Variants in ZNF454 observed in about 807,000 individuals in gnomAD.
ZNF454 encodes the protein zinc finger protein 454.
Under a neutral mutation model 48.2 loss-of-function variants are expected in ZNF454, and 30 were observed. The observed-to-expected ratio is 0.62, with a 90% CI of 0.47 to 0.84. The LOEUF is 0.84. Among genes scored for constraint, ZNF454 ranks in the 40% least tolerant of loss-of-function variants. The pLI is 0.00. For synonymous variants in ZNF454, 204 were observed against 211.4 expected (o/e 0.97, Z 0.30); for missense variants, 510 against 623.1 (o/e 0.82, Z 1.93).
the ZNF454 span, among the ~76,000 whole-genome samples, chr5:178,972,274 A>G: frequency 2.6e-5 from 4 of 152,184 alleles, no homozygotes; most frequent in African/African-American, 7.2e-5. Context: ...TATACACAAT[A>G]TATTTCACAA....
At chr5:178,963,554 G>A (rs892785109) in intron 4 of ZNF454, among the ~76,000 whole-genome samples, 1 of 151,664 alleles carries the variant, frequency 6.6e-6, no homozygotes, top group Non-Finnish European at 1.5e-5. Context: ...GGGATTTCTC[G>A]TGAATTCTGC....
At chr5:178,950,998 T>G (rs1759535173) in intron 4 of ZNF454, among the ~76,000 whole-genome samples, 1 of 152,016 alleles carries the variant, frequency 6.6e-6, no homozygotes, top group Non-Finnish European at 1.5e-5. Context: ...GAGCTGGGAC[T>G]ACCGGTGCCT....
At chr5:178,985,629 G>C in the ZNF454 span, 30 of 372,284 alleles carry the variant, frequency 8.1e-5, no homozygotes, top group Middle Eastern at 4.5e-4. Flanking sequence ...CGTGAACCCG[G>C]AAGGCAGAGC....
At chr5:178,970,515 T>C (rs1016147110), downstream of ZNF454, among the ~76,000 whole-genome samples, 1 of 152,208 alleles carries the variant, frequency 6.6e-6, no homozygotes, top group Non-Finnish European at 1.5e-5. Flanking sequence ...GTGTTCCGTC[T>C]GCCACCCTGT....
At chr5:178,986,788 C>T in the ZNF454 span, 4 of 1,611,792 alleles carry the variant, frequency 2.5e-6, no homozygotes, top group Non-Finnish European at 3.4e-6. Context: ...GGGCGTCTGC[C>T]TCCGGGATCC....
chr5:178,971,474 GGC>G, the ZNF454 span, among the ~76,000 whole-genome samples: 2 of 152,088 alleles, frequency 1.3e-5, no homozygotes, highest in Admixed American at 6.6e-5. Context: ...GGGGTGTGTG[GGC>G]CTGAGAGAGG....
At position 178,944,869 on chromosome 5, in the gene ZNF454, A is replaced by G. The variant is rs977365713; in HGVS notation, c.34-1490A>G. Among the ~76,000 whole-genome samples, 2 of 152,234 alleles carry G rather than the reference A, an allele frequency of 1.3e-5. No individual in the cohort carries two copies. Among genetic ancestry groups the G allele is most frequent in the Admixed American group, 1.3e-4 (2 of 15,286 alleles). ...TTACATGCTAGGTTAGGTTTCGGCT[A>G]CACCTGTGTGTCAGGACAGAGAGAC... On this transcript the variant is annotated intron_variant, in intron 2 of 4. Transcript: ENST00000519564. This position sits in a 1 kb window ranked among gnomAD's most constrained non-coding sequence, Gnocchi z 4.1.
rs546000282 is a variant in ZNF454 at position 178,946,943 on chromosome 5, G to A, written c.207G>A (p.Arg69=). The change falls in exon 4 of 5, where the codon AGG becomes AGA. Residue 69 remains arginine (R), a synonymous_variant. Transcript: ENST00000519564. The surrounding 1 kb of genome is among the most constrained non-coding windows in gnomAD (Gnocchi z 4.5). ...ATACGTTTTCCCAGCTAGAAAAAAG[G>A]GAAGTGTGGATGCCAGAGGACACCC... ...KPDTFSQLEK[R]EVWMPEDTPG... is the part of the protein sequence containing the mutation. 1 of 1,614,100 alleles carries A rather than the reference G, an allele frequency of 6.2e-7. No homozygotes were observed. The highest frequency in any genetic ancestry group is 1.7e-5 in the Admixed American group (1 of 60,006).
the ZNF454 span, chr5:178,987,363 C>G: frequency 1.5e-5 from 7 of 471,508 alleles, no homozygotes; most frequent in Admixed American, 9.3e-5. Flanking sequence ...TGTACAGCCA[C>G]GTTCACAGCA....
chr5:178,961,657 A>T (rs1163561396), intron 4 of ZNF454, among the ~76,000 whole-genome samples: 1 of 150,276 alleles, frequency 6.7e-6, no homozygotes, highest in Non-Finnish European at 1.5e-5. Flanking sequence ...CTCTAGTAAA[A>T]CACAAAAAAA....
chr5:178,975,442 T>A, the ZNF454 span, among the ~76,000 whole-genome samples: 1 of 152,188 alleles, frequency 6.6e-6, no homozygotes, highest in Non-Finnish European at 1.5e-5. Flanking sequence ...GGTGCATGAT[T>A]AAGATGTGTT....
chr5:178,987,047 GCC>G, the ZNF454 span: 2 of 1,538,598 alleles, frequency 1.3e-6, no homozygotes, highest in Non-Finnish European at 1.8e-6. Context: ...TCCTGGGGAG[GCC>G]CCAGGGACCA....
chr5:178,943,921 G>A (rs1759214312), intron 2 of ZNF454, among the ~76,000 whole-genome samples: 1 of 152,152 alleles, frequency 6.6e-6, no homozygotes, highest in African/African-American at 2.4e-5. Context: ...CAGCTACTCG[G>A]GAGGCTGAGG....
the ZNF454 span, among the ~76,000 whole-genome samples, chr5:178,988,213 G>A: frequency 6.6e-6 from 1 of 152,196 alleles, no homozygotes; most frequent in South Asian, 2.1e-4. This position sits in a 1 kb window ranked among gnomAD's most constrained non-coding sequence, Gnocchi z 6.0. Flanking sequence ...CTGAGTGACA[G>A]TATGAAATTG....
At chr5:178,947,978 A>C (rs1759404173) in intron 4 of ZNF454, 1 of 152,074 alleles carries the variant, frequency 6.6e-6, no homozygotes. Flanking sequence ...GCAGTGGCGC[A>C]ATCTCAGCTC....
intron 4 of ZNF454, among the ~76,000 whole-genome samples, chr5:178,962,974 T>G (rs2113273253): frequency 6.6e-6 from 1 of 151,908 alleles, no homozygotes; most frequent in Non-Finnish European, 1.5e-5. Flanking sequence ...GGCTGAGAGC[T>G]TCACATGTTA....
At chr5:178,969,479 C>T (rs1231156201), downstream of ZNF454, 3 of 456,848 alleles carry the variant, frequency 6.6e-6, no homozygotes, top group African/African-American at 2.0e-5. Context: ...ATGGCCATGT[C>T]GACATACCCA....
intron 4 of ZNF454, among the ~76,000 whole-genome samples, chr5:178,961,311 T>C (rs1425622832): frequency 6.6e-6 from 1 of 151,434 alleles, no homozygotes; most frequent in Non-Finnish European, 1.5e-5. Flanking sequence ...TTATTTTATA[T>C]TTCACTTACT....
At chr5:178,983,116 A>G in the ZNF454 span, 10 of 1,613,934 alleles carry the variant, frequency 6.2e-6, no homozygotes, top group African/African-American at 2.7e-5. Flanking sequence ...GACATGTCGC[A>G]CTTGAGCACC....
Sources: gnomAD v4.1 joint callset for allele counts (sites outside exome capture counted in the v4.1 genomes callset) on GRCh38, gnomAD v4.1.1 for gene constraint, Gnocchi (gnomAD v3.1) non-coding constraint, MANE v1.5 for transcripts, NCBI Gene and HGNC (gene_info 2026-07-23, HGNC 2026-07-21) for gene names.